TDRD3: variants seen among roughly 807,000 people sequenced by gnomAD.
TDRD3 encodes tudor domain containing 3, also known as tudor domain-containing protein 3.
A neutral mutation model predicts 86.7 loss-of-function variants in TDRD3; 45 were observed. The ratio of observed to expected loss-of-function variants is 0.52; its 90% CI spans 0.41 to 0.67. TDRD3 has a LOEUF of 0.67. Among genes scored for constraint, TDRD3 ranks in the 30% least tolerant of loss-of-function variants. TDRD3 has a pLI of 0.00. For synonymous variants in TDRD3, 298 were observed against 301.7 expected (o/e 0.99, Z 0.13); for missense variants, 814 against 889.0 (o/e 0.92, Z 1.07).
At chr13:60,539,153 A>C (rs1957759572) in intron 12 of TDRD3, among the ~76,000 whole-genome samples, 1 of 152,058 alleles carries the variant, frequency 6.6e-6, no homozygotes, top group Non-Finnish European at 1.5e-5. Context: ...TGAGCATCCT[A>C]TCTTAAGTGT....
In TDRD3 at chr13:60,444,670, A is replaced by G. The variant is rs1436369366; in HGVS notation, c.127-13A>G. 7.6e-7 allele frequency: 1 copy of G among 1,315,842 alleles called. No individual in the cohort carries two copies. The highest frequency in any genetic ancestry group is 1.0e-6 in the Non-Finnish European group (1 of 975,954). 81.5% of individuals were successfully genotyped at this position (1,315,842 alleles called of 1,614,324 possible). ...TCTATAATTCCATTTTAATAATAAT[A>G]TTTTTATTTTAGACAGATCTGAGAA... On this transcript the variant is annotated splice_polypyrimidine_tract_variant and intron_variant, in intron 2 of 13. Coordinates refer to ENST00000377881, the MANE Select transcript of TDRD3 (RefSeq NM_001146070.2).
intron 8 of TDRD3, among the ~76,000 whole-genome samples, chr13:60,506,703 G>A (rs9538725): frequency 0.12 from 18,920 of 152,142 alleles, 1,368 homozygotes; most frequent in East Asian, 0.19. Context: ...TTTGCAGTGA[G>A]CTGAGATTGC....
At chr13:60,462,480 T>C (rs934927101) in intron 4 of TDRD3, among the ~76,000 whole-genome samples, 1 of 152,200 alleles carries the variant, frequency 6.6e-6, no homozygotes, top group Non-Finnish European at 1.5e-5. Flanking sequence ...AAATAGTTCT[T>C]ACAGGTAAAC....
At chr13:60,461,708 A>C (rs1955807721) in intron 4 of TDRD3, among the ~76,000 whole-genome samples, 1 of 152,226 alleles carries the variant, frequency 6.6e-6, no homozygotes, top group Non-Finnish European at 1.5e-5. Flanking sequence ...TTAGTAGCTC[A>C]TATGCTAATT....
chr13:60,567,562 G>A lies in TDRD3; in HGVS notation c.2156G>A (p.Arg719His), dbSNP rs200910470. 118 of 1,613,980 alleles carry A rather than the reference G, an allele frequency of 7.3e-5. No homozygotes were observed. The highest frequency in any genetic ancestry group is 9.2e-5 in the Non-Finnish European group (108 of 1,180,026). ...ACCTACGATCAAACTCTGGAGTTCC[G>A]TAGGGGAGGTGATGGCCAGCCAAGA... The part of the protein sequence containing the change: ...EGTYDQTLEF[R>H]RGGDGQPRRS... The change falls in exon 13 of 14, where the codon CGT (arginine) becomes CAT (histidine). Residue 719 changes from arginine to histidine, a missense_variant. Transcript: ENST00000377881.
intron 13 of TDRD3, among the ~76,000 whole-genome samples, chr13:60,569,362 C>G (rs1958532721): frequency 6.6e-6 from 1 of 151,884 alleles, no homozygotes; most frequent in Non-Finnish European, 1.5e-5. Context: ...TAAATTTAAC[C>G]AAAGAAGTGA....
intron 3 of TDRD3, among the ~76,000 whole-genome samples, chr13:60,458,514 TA>T: frequency 6.6e-6 from 1 of 152,150 alleles, no homozygotes; most frequent in Non-Finnish European, 1.5e-5. Context: ...AGATATCGAA[TA>T]TTGGTAAAGT....
chr13:60,535,356 G>A, intron 12 of TDRD3, 123 bp downstream of exon 12: 2 of 1,103,648 alleles, frequency 1.8e-6, no homozygotes, highest in Non-Finnish European at 2.4e-6. Flanking sequence ...CTTATAACTG[G>A]CTACCCCTAA....
chr13:60,467,918 T>G (rs1955984410), intron 5 of TDRD3, among the ~76,000 whole-genome samples: 1 of 152,188 alleles, frequency 6.6e-6, no homozygotes, highest in Non-Finnish European at 1.5e-5. Flanking sequence ...ACCATTTCTG[T>G]TGATCCATTG....
chr13:60,416,378 A>G (rs999126944), intron 1 of TDRD3, among the ~76,000 whole-genome samples: 1 of 152,190 alleles, frequency 6.6e-6, no homozygotes. Context: ...TCCCATGATC[A>G]GTTGAGCTGA....
intron 10 of TDRD3, among the ~76,000 whole-genome samples, chr13:60,512,558 C>A (rs1322976288): frequency 1.3e-5 from 2 of 152,236 alleles, no homozygotes; most frequent in Non-Finnish European, 2.9e-5. Flanking sequence ...AAGTTAGTTA[C>A]TTCCTAGATA....
At chr13:60,513,968 G>A (rs964356817) in intron 10 of TDRD3, among the ~76,000 whole-genome samples, 5 of 152,200 alleles carry the variant, frequency 3.3e-5, no homozygotes, top group African/African-American at 1.2e-4. Context: ...AAGTGACTTG[G>A]GAACTGGGTA....
chr13:60,412,088 TCAAA>T, intron 1 of TDRD3, among the ~76,000 whole-genome samples: 1 of 152,208 alleles, frequency 6.6e-6, no homozygotes. Flanking sequence ...TCAGTGACTC[TCAAA>T]CAAACAACTA....
chr13:60,482,870 A>G (rs928494209), intron 5 of TDRD3, among the ~76,000 whole-genome samples: 2 of 151,758 alleles, frequency 1.3e-5, no homozygotes, highest in South Asian at 2.1e-4. Context: ...CCTATTTTAC[A>G]TATTTTAATC....
chr13:60,547,339 G>A (rs1207993066), intron 12 of TDRD3: 2 of 985,386 alleles, frequency 2.0e-6, no homozygotes, highest in African/African-American at 3.5e-5. Context: ...GCCTTTGAGA[G>A]AAGGGGAGTG....
Position 60,483,805 on chromosome 13 carries a change from G to A in TDRD3, c.526G>A (p.Gly176Arg). Reference protein sequence around the residue: ...SLSKHNRSNIGTEGGPPPFVP... With the variant: ...SLSKHNRSNIRTEGGPPPFVP... The stretch of plus-strand genomic sequence containing the variant: ...ATCAAAACACAATAGAAGCAATATT[G>A]GAACTGAAGGTGGACCACCGCCTTT... The change falls in exon 6 of 14, where the codon GGA (glycine) becomes AGA (arginine). Residue 176 changes from glycine (G) to arginine (R), a missense_variant. Transcript: ENST00000377881. 6.2e-7 allele frequency: 1 copy of A among 1,613,248 alleles called. No individual in the cohort carries two copies. The highest frequency in any genetic ancestry group is 8.5e-7 in the Non-Finnish European group (1 of 1,179,560).
intron 7 of TDRD3, 152 bp from the exon 8 acceptor site, chr13:60,494,283 A>G (rs541408325): frequency 3.4e-5 from 27 of 802,526 alleles, no homozygotes; most frequent in Admixed American, 2.0e-4. Context: ...TATTTTTGCT[A>G]TTCAAAAGGA....
At chr13:60,435,188 T>C (rs1459281234) in intron 1 of TDRD3, among the ~76,000 whole-genome samples, 2 of 152,192 alleles carry the variant, frequency 1.3e-5, no homozygotes, top group Non-Finnish European at 2.9e-5. Context: ...GGGTGCCCTG[T>C]TTCTTGAAAA....
At chr13:60,467,112 G>C (rs1955959227) in intron 4 of TDRD3, 126 bp from the exon 5 acceptor site, 2 of 1,107,576 alleles carry the variant, frequency 1.8e-6, no homozygotes, top group Non-Finnish European at 1.3e-6. Context: ...TGCATTAGCT[G>C]TTTTTCCTAA....
Sources: gnomAD v4.1 joint callset for allele counts (sites outside exome capture counted in the v4.1 genomes callset) on GRCh38, gnomAD v4.1.1 for gene constraint, MANE v1.5 for transcripts, NCBI Gene and HGNC (gene_info 2026-07-23, HGNC 2026-07-21) for gene names.